The following NUDT6 variants were observed in gnomAD, a reference collection of about 807,000 sequenced individuals.
The protein encoded by NUDT6 is FAD diphosphatase NUDT6.
Under a neutral mutation model 36.8 loss-of-function variants are expected in NUDT6, and 24 were observed. The ratio of observed to expected loss-of-function variants is 0.65; its 90% CI spans 0.47 to 0.92. NUDT6 has a LOEUF of 0.92. NUDT6 is among the 40% of genes least tolerant of loss of function. NUDT6 has a pLI of 0.00. For synonymous variants in NUDT6, 163 were observed against 157.0 expected (o/e 1.04, Z -0.29); for missense variants, 388 against 392.8 (o/e 0.99, Z 0.10).
At chr4:122,922,722 A>G, upstream of NUDT6, 1 of 687,808 alleles carries the variant, frequency 1.5e-6, no homozygotes, top group Admixed American at 3.0e-5. Context: ...GGAGACCGCG[A>G]AGTGGTCCAC....
chr4:122,914,819 G>C (rs561947676), intron 2 of NUDT6, among the ~76,000 whole-genome samples: 1 of 152,124 alleles, frequency 6.6e-6, no homozygotes, highest in African/African-American at 2.4e-5. Flanking sequence ...AGGATATCGT[G>C]GTGACCAAGA....
Position 122,922,375 on chromosome 4 carries a change from C to T in NUDT6, c.198G>A (p.Leu66=), listed in dbSNP as rs1398469708. The change falls in exon 1 of 5, where the codon CTG becomes CTA. Residue 66 remains leucine, a synonymous_variant. Coordinates refer to ENST00000304430, the MANE Select transcript of NUDT6 (RefSeq NM_007083.5). ...GGAAGGCGGCAGCGTCCAGGCGGTCCAGCGCATCGAGCCGCGCCAGGCGCA... is the reference window on the plus strand; with the variant it reads ...GGAAGGCGGCAGCGTCCAGGCGGTCTAGCGCATCGAGCCGCGCCAGGCGCA... The part of the protein sequence containing the change: ...ISVRLARLDA[L]DRLDAAAFQK... 3.1e-6 allele frequency: 5 copies of T among 1,606,436 alleles called. No homozygotes were observed. The highest frequency in any genetic ancestry group is 4.2e-6 in the Non-Finnish European group (5 of 1,179,488).
rs751383835 is a variant in NUDT6, at chr4:122,917,620, G to A, written c.323C>T (p.Ala108Val). The change falls in exon 2 of 5, where the codon GCT becomes GTT. Residue 108 changes from alanine (A) to valine (V), a missense_variant. By Grantham distance (64) the Ala-to-Val change is moderately conservative. Coordinates refer to ENST00000304430, the MANE Select transcript of NUDT6 (RefSeq NM_007083.5). ...PILQSRFIAPAASLGFCFHHA... is the reference protein window; with the variant it reads ...PILQSRFIAPVASLGFCFHHA... ...GTGAAAGCAGAAGCCCAGGGAAGCA[G>A]CAGGGGCAATAAATCGGCTTTGGAG... is the stretch of plus-strand genomic sequence containing the variant. The A allele has an allele frequency of 3.8e-5, 61 of 1,614,092 alleles. No homozygotes were observed. The highest frequency in any genetic ancestry group is 6.7e-5 in the Admixed American group (4 of 60,010).
At chr4:122,912,672 C>G (rs760454363) in intron 2 of NUDT6, 49 bp from the exon 3 acceptor site, 1 of 1,151,984 alleles carries the variant, frequency 8.7e-7, no homozygotes, top group South Asian at 1.3e-5. Context: ...ATTTCATTCA[C>G]CTTAATCTCC....
upstream of NUDT6, chr4:122,922,713 G>A (rs1728123230): frequency 1.3e-6 from 1 of 741,954 alleles, no homozygotes; most frequent in Non-Finnish European, 2.1e-6. Context: ...CTATGCCAAG[G>A]AGACCGCGAA....
rs1257895993 is a variant in NUDT6 at position 122,922,471 on chromosome 4, AC to A, written c.101del (p.Gly34ValfsTer92). 1 of 1,611,378 alleles carries A rather than the reference AC, an allele frequency of 6.2e-7. No homozygotes were observed. The highest frequency in any genetic ancestry group is 8.5e-7 in the Non-Finnish European group (1 of 1,179,794). On this transcript the variant is annotated frameshift_variant, in exon 1 of 5. Transcript: ENST00000304430. LOFTEE classifies it high-confidence loss of function. The part of the protein sequence containing the change: ...AGYRWASGAQ[G>X]YVRNPPVGAC... ...CTCCAACTGGCGGATTCCGCACGTAACCCTGTGCGCCCGAGGCCCAGCGGTA... is the reference window on the plus strand; with the variant it reads ...CTCCAACTGGCGGATTCCGCACGTAACCTGTGCGCCCGAGGCCCAGCGGTA...
chr4:122,902,404 G>A (rs1316994321), intron 3 of NUDT6, among the ~76,000 whole-genome samples: 1 of 152,104 alleles, frequency 6.6e-6, no homozygotes, highest in African/African-American at 2.4e-5. Flanking sequence ...ACATTTGAAT[G>A]TAAGCTCCAT....
chr4:122,905,262 G>T (rs1727597031), intron 3 of NUDT6, among the ~76,000 whole-genome samples: 1 of 152,142 alleles, frequency 6.6e-6, no homozygotes, highest in Non-Finnish European at 1.5e-5. Context: ...ATATGATAGT[G>T]TGAAGCACAG....
chr4:122,903,318 T>G (rs1982570), intron 3 of NUDT6, among the ~76,000 whole-genome samples: 129,451 of 152,134 alleles, frequency 0.85, 55,962 homozygotes, highest in East Asian at 0.95. Context: ...AAGTGTAGGG[T>G]GAACATGACT....
At chr4:122,917,885 T>C in intron 1 of NUDT6, 181 bp from the exon 2 acceptor site, 1 of 593,586 alleles carries the variant, frequency 1.7e-6, no homozygotes, top group Non-Finnish European at 3.0e-6. Flanking sequence ...CTTGTTTATA[T>C]GATTTTTCCA....
intron 3 of NUDT6, among the ~76,000 whole-genome samples, chr4:122,904,655 C>T (rs1355235442): frequency 6.6e-6 from 1 of 152,128 alleles, no homozygotes; most frequent in African/African-American, 2.4e-5. Context: ...GGGGTTTTAT[C>T]ATGTTGGCCA....
At chr4:122,915,498 A>C (rs976926808) in intron 2 of NUDT6, among the ~76,000 whole-genome samples, 72 of 144,360 alleles carry the variant, frequency 5.0e-4, no homozygotes, top group African/African-American at 1.8e-3. Flanking sequence ...AAAAAAAAAA[A>C]CAACTCTGCA....
At chr4:122,900,048 ACCCCCGCCACCCCC>A (rs1727481251) in intron 3 of NUDT6, among the ~76,000 whole-genome samples, 1 of 77,220 alleles carries the variant, frequency 1.3e-5, no homozygotes, top group Admixed American at 1.3e-4. Context: ...ATGGTCATGC[ACCCCCGCCACCCCC>A]CCCCCGGCCC....
intron 2 of NUDT6, among the ~76,000 whole-genome samples, chr4:122,916,196 C>G (rs2150809475): frequency 6.6e-6 from 1 of 152,238 alleles, no homozygotes; most frequent in Middle Eastern, 3.4e-3. Flanking sequence ...CCTACTGAAT[C>G]AGAAACTCTG....
intron 3 of NUDT6, among the ~76,000 whole-genome samples, chr4:122,910,315 G>A (rs1243678984): frequency 1.3e-5 from 2 of 152,126 alleles, no homozygotes; most frequent in Admixed American, 6.5e-5. Flanking sequence ...AAAACATAAA[G>A]CTGTCTAGGT....
At chr4:122,912,525 A>G in intron 3 of NUDT6, 43 bp downstream of exon 3, 1 of 1,342,834 alleles carries the variant, frequency 7.4e-7, no homozygotes, top group Non-Finnish European at 1.1e-6. Context: ...TCTAGAAAGA[A>G]ATAAACATTT....
chr4:122,904,364 C>T (rs2150803459), intron 3 of NUDT6, among the ~76,000 whole-genome samples: 1 of 152,288 alleles, frequency 6.6e-6, no homozygotes, highest in Non-Finnish European at 1.5e-5. Context: ...AAACTTTTCT[C>T]CTGTTAATCT....
intron 3 of NUDT6, among the ~76,000 whole-genome samples, chr4:122,910,189 C>T (rs1315476492): frequency 6.6e-6 from 1 of 152,152 alleles, no homozygotes; most frequent in African/African-American, 2.4e-5. Flanking sequence ...CAATTCTTTC[C>T]TTTTCAATTA....
intron 2 of NUDT6, among the ~76,000 whole-genome samples, chr4:122,916,537 CCT>C (rs897132349): frequency 6.6e-6 from 1 of 152,008 alleles, no homozygotes; most frequent in South Asian, 2.1e-4. Flanking sequence ...AAATTTATTC[CCT>C]GATCCCAATT....
Sources: gnomAD v4.1 joint callset for allele counts (sites outside exome capture counted in the v4.1 genomes callset) on GRCh38, gnomAD v4.1.1 for gene constraint, MANE v1.5 for transcripts, NCBI Gene and HGNC (gene_info 2026-07-23, HGNC 2026-07-21) for gene names.